DCLK1: variants seen among roughly 807,000 people sequenced by gnomAD.
The protein encoded by DCLK1 is doublecortin like kinase 1, also known as serine/threonine-protein kinase DCLK1.
Under a neutral mutation model 86.2 loss-of-function variants are expected in DCLK1, and 16 were observed. The observed-to-expected ratio is 0.19, with a 90% CI of 0.13 to 0.28. The LOEUF (loss-of-function observed/expected upper bound fraction) is 0.28, where lower values mean the gene tolerates loss of function less well. Ranked by LOEUF, DCLK1 falls within the 10% of genes least tolerant of loss-of-function variation. The pLI, the probability that DCLK1 is intolerant of heterozygous loss-of-function variation, is 1.00. For missense variants in DCLK1, 590 were observed against 940.2 expected (o/e 0.63, Z 4.87); for synonymous variants, 369 against 370.5 (o/e 1.00, Z 0.05).
At chr13:35,799,975 G>T (rs1019926234) in intron 15 of DCLK1, among the ~76,000 whole-genome samples, 2 of 152,294 alleles carry the variant, frequency 1.3e-5, no homozygotes, top group African/African-American at 4.8e-5. Flanking sequence ...GGATAATTTT[G>T]TTGGTATTTT....
rs1566520269 is a variant in DCLK1, at chr13:35,770,220, T to G, written c.*4315A>C. ...ACCCCATTTGTTACCGTTTCATGTG[T>G]AAGCACCATTGAACCAATTTTTAAA... On this transcript the variant is annotated 3_prime_UTR_variant, in exon 17 of 17. Transcript: ENST00000360631. 1.3e-5 allele frequency: 2 copies of G among 152,230 alleles called. No individual in the cohort carries two copies. Among genetic ancestry groups the G allele is most frequent in the Non-Finnish European group, 2.9e-5 (2 of 68,036 alleles). 9.4% of individuals were successfully genotyped at this position (152,230 alleles called of 1,614,324 possible).
chr13:36,108,165 G>C (rs1885471164), intron 3 of DCLK1, among the ~76,000 whole-genome samples: 2 of 152,168 alleles, frequency 1.3e-5, no homozygotes, highest in Admixed American at 1.3e-4. Flanking sequence ...TGATGACCTG[G>C]TGAGCAGTCA....
intron 3 of DCLK1, among the ~76,000 whole-genome samples, chr13:35,982,848 A>G (rs942103358): frequency 6.6e-6 from 1 of 151,622 alleles, no homozygotes; most frequent in Non-Finnish European, 1.5e-5. Context: ...TGCAACCTCT[A>G]CCTCCTGGGT....
chr13:35,859,688 C>T (rs913704213), intron 5 of DCLK1, among the ~76,000 whole-genome samples: 11 of 152,156 alleles, frequency 7.2e-5, no homozygotes, highest in Admixed American at 6.5e-4. Context: ...ACTGGAGCCA[C>T]GAGTCCAGGG....
chr13:35,898,387 C>T (rs1346727841), intron 4 of DCLK1, among the ~76,000 whole-genome samples: 1 of 152,302 alleles, frequency 6.6e-6, no homozygotes, highest in East Asian at 1.9e-4. Context: ...TGAAGTCTTG[C>T]AAGTATGCAT....
chr13:35,989,496 T>C (rs1235102550), intron 3 of DCLK1, among the ~76,000 whole-genome samples: 1 of 152,152 alleles, frequency 6.6e-6, no homozygotes. Context: ...GATCTTGAAC[T>C]CCTGACCTCA....
At chr13:35,863,909 T>A (rs1871583035) in intron 5 of DCLK1, among the ~76,000 whole-genome samples, 2 of 152,220 alleles carry the variant, frequency 1.3e-5, no homozygotes, top group African/African-American at 4.8e-5. Flanking sequence ...ATAGCATGAA[T>A]AAAAAGACTT....
intron 3 of DCLK1, among the ~76,000 whole-genome samples, chr13:35,955,331 G>C (rs1343831195): frequency 6.6e-6 from 1 of 152,118 alleles, no homozygotes; most frequent in African/African-American, 2.4e-5. Flanking sequence ...CAGCCCGGAG[G>C]CTGGAAGTTC....
intron 4 of DCLK1, among the ~76,000 whole-genome samples, chr13:35,886,547 C>T (rs955334757): frequency 1.3e-5 from 2 of 152,132 alleles, no homozygotes; most frequent in African/African-American, 2.4e-5. Context: ...CGGAAGAGTG[C>T]CACATGTGAG....
At chr13:35,980,837 GT>G (rs1307813758) in intron 3 of DCLK1, among the ~76,000 whole-genome samples, 9 of 151,758 alleles carry the variant, frequency 5.9e-5, no homozygotes, top group African/African-American at 2.2e-4. Flanking sequence ...GTAATTTTTT[GT>G]TTAAAGAAGG....
At chr13:35,867,810 A>T (rs1871902458) in intron 5 of DCLK1, among the ~76,000 whole-genome samples, 1 of 148,892 alleles carries the variant, frequency 6.7e-6, no homozygotes, top group Non-Finnish European at 1.5e-5. Context: ...TGTACGCAAG[A>T]ATCTGATCCA....
chr13:35,835,277 C>T (rs1869275506), intron 8 of DCLK1, among the ~76,000 whole-genome samples: 1 of 152,082 alleles, frequency 6.6e-6, no homozygotes, highest in East Asian at 1.9e-4. Flanking sequence ...GGACACAGTC[C>T]CTCAAGGAAT....
At chr13:35,827,904 G>A (rs947336490) in intron 9 of DCLK1, 150 bp from the exon 10 acceptor site, 32 of 977,982 alleles carry the variant, frequency 3.3e-5, no homozygotes, top group Non-Finnish European at 4.8e-5. Context: ...TTCAGATATA[G>A]CCTAGAATTG....
intron 6 of DCLK1, chr13:35,849,622 G>A: frequency 2.0e-6 from 2 of 978,388 alleles, no homozygotes; most frequent in Non-Finnish European, 2.4e-6. Context: ...TAAAATAGAG[G>A]ACTAGAAGAG....
Position 35,839,107 on chromosome 13 carries a change from C to A in DCLK1, c.1105G>T (p.Asp369Tyr), listed in dbSNP as rs1173689068. 1 of 1,599,768 alleles carries A rather than the reference C, an allele frequency of 6.3e-7. No homozygotes were observed. Among genetic ancestry groups the A allele is most frequent in the Non-Finnish European group, 8.5e-7 (1 of 1,173,350 alleles). ...AGCTCATCACCTTCTCCAGGGCCAT[C>A]GTTCTCATCCATCGAGCTGCAGACT... ...TKVCSSMDEN[D>Y]GPGEEVSEEG... is the part of the protein sequence containing the mutation. The change falls in exon 7 of 17, where the codon GAT (aspartate) becomes TAT (tyrosine). Residue 369 changes from aspartate (D) to tyrosine (Y), a missense_variant. Physicochemically the swap from Asp to Tyr is radical, Grantham distance 160. Coordinates refer to ENST00000360631, the MANE Select transcript of DCLK1 (RefSeq NM_001330071.2).
intron 11 of DCLK1, among the ~76,000 whole-genome samples, chr13:35,819,505 A>G (rs2087343362): frequency 6.6e-6 from 1 of 152,230 alleles, no homozygotes; most frequent in South Asian, 2.1e-4. Context: ...TTTGCTAGTT[A>G]TAACAAATAT....
intron 4 of DCLK1, among the ~76,000 whole-genome samples, chr13:35,931,273 A>G (rs1308177612): frequency 6.6e-6 from 1 of 152,200 alleles, no homozygotes; most frequent in Non-Finnish European, 1.5e-5. Context: ...ATCCTCAAGC[A>G]GAATTTGGAT....
chr13:35,958,495 C>T (rs917210481), intron 3 of DCLK1, among the ~76,000 whole-genome samples: 3 of 148,742 alleles, frequency 2.0e-5, no homozygotes, highest in Non-Finnish European at 3.0e-5. Flanking sequence ...CCACTACCAC[C>T]ACCATCACCA....
At chr13:36,055,154 C>T (rs932658873) in intron 3 of DCLK1, among the ~76,000 whole-genome samples, 8 of 152,046 alleles carry the variant, frequency 5.3e-5, no homozygotes, top group South Asian at 2.1e-4. Context: ...GAAGAACAGC[C>T]GTTCCCAGAA....
Sources: allele counts gnomAD v4.1 joint callset (sites outside exome capture counted in the v4.1 genomes callset), GRCh38; gene constraint gnomAD v4.1.1; transcripts MANE v1.5; gene names NCBI Gene and HGNC (gene_info 2026-07-23, HGNC 2026-07-21).